SH3BGRL: variants seen among roughly 807,000 people sequenced by gnomAD.
The protein encoded by SH3BGRL is SH3 domain binding glutamate rich protein like.
Under a neutral mutation model 9.8 loss-of-function variants are expected in SH3BGRL, and 7 were observed. The observed-to-expected ratio is 0.72, with a 90% CI of 0.41 to 1.35. The LOEUF is 1.35. Among genes scored for constraint, SH3BGRL ranks in the 40% most tolerant of loss-of-function variants. The pLI, the probability that SH3BGRL is intolerant of heterozygous loss-of-function variation, is 0.01. For missense variants in SH3BGRL, 73 were observed against 84.4 expected, an observed-to-expected ratio of 0.86 and a Z score of 0.53; for synonymous variants, 36 against 29.1, an observed-to-expected ratio of 1.24 and a Z score of -0.76.
intron 1 of SH3BGRL, among the ~76,000 whole-genome samples, chrX:81,228,903 T>G (rs2075624717): frequency 8.9e-6 from 1 of 112,055 alleles, no homozygotes; most frequent in Non-Finnish European, 1.9e-5. Flanking sequence ...AGCTATAGCT[T>G]GTGAGTTACA....
intron 1 of SH3BGRL, among the ~76,000 whole-genome samples, chrX:81,250,601 T>C (rs1256834616): frequency 8.9e-6 from 1 of 111,751 alleles, no homozygotes; most frequent in Non-Finnish European, 1.9e-5. Context: ...AATTATGCCT[T>C]CATTGATATA....
At chrX:81,293,463 A>G (rs2075864518) in intron 3 of SH3BGRL, among the ~76,000 whole-genome samples, 1 of 111,775 alleles carries the variant, frequency 8.9e-6, no homozygotes, top group Admixed American at 9.5e-5. Flanking sequence ...CAGGTGGATC[A>G]CTTGAGATCA....
chrX:81,263,378 C>A (rs1272383822), intron 1 of SH3BGRL, among the ~76,000 whole-genome samples: 1 of 111,447 alleles, frequency 9.0e-6, no homozygotes, highest in African/African-American at 3.3e-5. Context: ...GTATGTGTTT[C>A]AATTCTTTGA....
chrX:81,267,835 C>T (rs988210699), intron 1 of SH3BGRL, among the ~76,000 whole-genome samples: 3 of 111,313 alleles, frequency 2.7e-5, no homozygotes, highest in African/African-American at 6.5e-5. Flanking sequence ...TCTGTGAATC[C>T]GTCTGGTCCT....
intron 1 of SH3BGRL, chrX:81,237,176 A>G (rs1323368814): frequency 8.1e-6 from 4 of 490,860 alleles, no homozygotes; most frequent in Non-Finnish European, 1.3e-5. Flanking sequence ...CCTTCACACG[A>G]ACACCAATTT....
At chrX:81,238,414 A>G (rs760122704) in intron 1 of SH3BGRL, among the ~76,000 whole-genome samples, 10 of 112,216 alleles carry the variant, frequency 8.9e-5, no homozygotes, top group Non-Finnish European at 1.3e-4. Flanking sequence ...CTGCCTTTGG[A>G]AAGTGGAGTG....
intron 1 of SH3BGRL, among the ~76,000 whole-genome samples, chrX:81,263,158 A>C (rs2075746295): frequency 9.1e-6 from 1 of 110,142 alleles, no homozygotes; most frequent in Admixed American, 9.7e-5. Flanking sequence ...GATGAAGGGA[A>C]CAAAGAGAGA....
intron 1 of SH3BGRL, among the ~76,000 whole-genome samples, chrX:81,223,682 A>C (rs895375880): frequency 2.7e-5 from 3 of 110,985 alleles, no homozygotes; most frequent in African/African-American, 9.8e-5. Flanking sequence ...ATTAAAACCA[A>C]TTTTAAAATT....
intron 3 of SH3BGRL, among the ~76,000 whole-genome samples, chrX:81,284,875 A>T (rs1304312836): frequency 9.0e-6 from 1 of 111,206 alleles, no homozygotes; most frequent in Non-Finnish European, 1.9e-5. Context: ...TGATGGGCCC[A>T]TAGGAAGCTA....
At chrX:81,289,331 C>T (rs1024095236) in intron 3 of SH3BGRL, among the ~76,000 whole-genome samples, 4 of 111,736 alleles carry the variant, frequency 3.6e-5, no homozygotes, top group Non-Finnish European at 7.5e-5. Flanking sequence ...CAAGAAAACA[C>T]TGTAGAAACT....
rs372913076 is a variant in SH3BGRL, at chrX:81,236,183, C to T, written c.45+33938C>T. ...TACTTCTTTGTACCCCAGTGCAGAT[C>T]GTGTCCATATCTAATTTAATAGGCA... On this transcript the variant is annotated intron_variant, in intron 1 of 3. Transcript: ENST00000373212. 1.1e-3 allele frequency among the ~76,000 whole-genome samples: 118 copies of T among 111,650 alleles called. 2 individuals are homozygous for T. The South Asian group carries it at 0.044, about 42-fold the overall frequency.
intron 1 of SH3BGRL, among the ~76,000 whole-genome samples, chrX:81,275,920 A>C (rs111931226): frequency 0.025 from 2,808 of 111,734 alleles, 39 homozygotes; most frequent in Non-Finnish European, 0.041. Context: ...GGGTAGATGG[A>C]GGGGTGTAAA....
intron 3 of SH3BGRL, among the ~76,000 whole-genome samples, chrX:81,287,596 G>C (rs1358100599): frequency 9.0e-6 from 1 of 111,132 alleles, no homozygotes; most frequent in African/African-American, 3.3e-5. Flanking sequence ...AGTGGGAGTT[G>C]AACAATGAGA....
rs749063546 is a variant in SH3BGRL at position 81,281,947 on chromosome X, C to T, written c.312+3536C>T. On this transcript the variant is annotated intron_variant, in intron 3 of 3. Transcript: ENST00000373212. Reference sequence around the variant, plus strand: ...TATCTGCTGCCTTCAGGAGACTCACCTAACACATAAGGAGGCACATAAAGT... The same window carrying T: ...TATCTGCTGCCTTCAGGAGACTCACTTAACACATAAGGAGGCACATAAAGT... Among the ~76,000 whole-genome samples, 38 of 111,648 alleles carry T rather than the reference C, an allele frequency of 3.4e-4. 1 individual carries two copies. Among genetic ancestry groups the T allele is most frequent in the Admixed American group, 8.6e-4 (9 of 10,490 alleles).
intron 1 of SH3BGRL, among the ~76,000 whole-genome samples, chrX:81,267,786 A>G (rs1312281427): frequency 9.0e-6 from 1 of 111,254 alleles, no homozygotes; most frequent in Non-Finnish European, 1.9e-5. Flanking sequence ...GGAACTACGC[A>G]TGCAATAAAG....
intron 1 of SH3BGRL, among the ~76,000 whole-genome samples, chrX:81,228,653 C>A (rs2075624073): frequency 9.0e-6 from 1 of 111,617 alleles, no homozygotes; most frequent in South Asian, 3.8e-4. Flanking sequence ...CTTTGGAATG[C>A]CCCTAGCCAA....
intron 1 of SH3BGRL, among the ~76,000 whole-genome samples, chrX:81,215,281 C>T (rs2075578167): frequency 9.0e-6 from 1 of 110,699 alleles, no homozygotes; most frequent in African/African-American, 3.3e-5. Flanking sequence ...AAACACTTGG[C>T]AGAGATGTTC....
At chrX:81,240,442 C>A (rs2147686514) in intron 1 of SH3BGRL, among the ~76,000 whole-genome samples, 1 of 112,162 alleles carries the variant, frequency 8.9e-6, no homozygotes, top group Admixed American at 9.4e-5. Flanking sequence ...AAATTAATCC[C>A]ATTTACAATA....
intron 1 of SH3BGRL, among the ~76,000 whole-genome samples, chrX:81,211,423 A>C: frequency 9.0e-6 from 1 of 111,196 alleles, no homozygotes; most frequent in Middle Eastern, 4.6e-3. Flanking sequence ...GTCTCTACTG[A>C]AAATACAAAA....
Sources: gnomAD v4.1 joint callset for allele counts (sites outside exome capture counted in the v4.1 genomes callset) on GRCh38, gnomAD v4.1.1 for gene constraint, MANE v1.5 for transcripts, NCBI Gene and HGNC (gene_info 2026-07-23, HGNC 2026-07-21) for gene names.